TTLL5: variants seen among roughly 807,000 people sequenced by gnomAD.
TTLL5 encodes tubulin tyrosine ligase like 5, also known as tubulin polyglutamylase TTLL5.
Under a neutral mutation model 168.4 loss-of-function variants are expected in TTLL5, and 132 were observed. That is an observed-to-expected ratio of 0.78 (90% CI 0.68 to 0.91). The LOEUF (loss-of-function observed/expected upper bound fraction) is 0.91, where lower values mean the gene tolerates loss of function less well. Ranked by LOEUF, TTLL5 falls within the 40% of genes least tolerant of loss-of-function variation. The pLI is 0.00. For missense variants in TTLL5, 1,545 were observed against 1,581.5 expected (o/e 0.98, Z 0.39); for synonymous variants, 546 against 558.6 (o/e 0.98, Z 0.32).
intron 27 of TTLL5, among the ~76,000 whole-genome samples, chr14:75,805,705 C>T (rs907442879): frequency 5.9e-5 from 9 of 152,188 alleles, no homozygotes; most frequent in African/African-American, 1.9e-4. Flanking sequence ...TCAGAAAAGT[C>T]TTAAACATAT....
At chr14:75,913,596 CAAAT>C (rs1249323127) in intron 31 of TTLL5, among the ~76,000 whole-genome samples, 1 of 151,974 alleles carries the variant, frequency 6.6e-6, no homozygotes, top group Non-Finnish European at 1.5e-5. Flanking sequence ...AATAAGGTGA[CAAAT>C]AAATAACCAA....
At chr14:75,709,289 T>G (rs370843524) in intron 9 of TTLL5, 89 of 731,680 alleles carry the variant, frequency 1.2e-4, no homozygotes, top group Non-Finnish European at 2.2e-4. Context: ...TTTAGAATGG[T>G]CTTTTAATGA....
chr14:75,929,252 A>G (rs2034192350), intron 31 of TTLL5, among the ~76,000 whole-genome samples: 1 of 152,170 alleles, frequency 6.6e-6, no homozygotes, highest in Non-Finnish European at 1.5e-5. Context: ...CAGCTTTGCT[A>G]CCATTTGTGT....
rs1310237783 is a variant in TTLL5, at chr14:75,670,097, C to T, written c.181+575C>T. Among the ~76,000 whole-genome samples, 3 of 152,158 alleles carry T rather than the reference C, an allele frequency of 2.0e-5. No homozygotes were observed. The East Asian group carries it at 5.8e-4, about 29-fold the overall frequency. On this transcript the variant is annotated intron_variant, in intron 3 of 31. Coordinates refer to ENST00000298832, the MANE Select transcript of TTLL5 (RefSeq NM_015072.5). The stretch of plus-strand genomic sequence containing the variant: ...TGGAGTATATATCAGTCCTTTATTC[C>T]TTTTTATAGCTGAATAACATTCCAT...
rs79189841 is a variant in TTLL5, at chr14:75,806,324, C to T, written c.3171+13224C>T. Among the ~76,000 whole-genome samples, 814 of 152,304 alleles carry T rather than the reference C, an allele frequency of 5.3e-3. 20 individuals carry two copies. The South Asian group carries it at 0.082, about 15-fold the overall frequency. ...GGGAATTCAGGTGTGAGCCACTGTG[C>T]CCGGCCATAATGGATCCTTTCCTAA... is the stretch of plus-strand genomic sequence containing the variant. On this transcript the variant is annotated intron_variant, in intron 27 of 31. Coordinates refer to ENST00000298832, the MANE Select transcript of TTLL5 (RefSeq NM_015072.5).
chr14:75,796,172 C>G (rs112222281), intron 27 of TTLL5, among the ~76,000 whole-genome samples: 3 of 152,140 alleles, frequency 2.0e-5, no homozygotes, highest in Non-Finnish European at 4.4e-5. Context: ...TTGCATTTCC[C>G]TGATAATAAG....
chr14:75,894,879 T>G (rs1193999742), intron 30 of TTLL5, among the ~76,000 whole-genome samples: 1 of 152,182 alleles, frequency 6.6e-6, no homozygotes, highest in African/African-American at 2.4e-5. Flanking sequence ...GAAAAGCACT[T>G]GTATGCACTT....
rs187707550 is a variant in TTLL5, at chr14:75,875,331, C to T, written c.3523-7354C>T. Among the ~76,000 whole-genome samples the T allele has an allele frequency of 1.8e-3, 266 of 149,530 alleles. 3 individuals are homozygous for T. The highest frequency in any genetic ancestry group is 6.1e-3 in the African/African-American group (252 of 41,024). On this transcript the variant is annotated intron_variant, in intron 29 of 31. Transcript: ENST00000298832. ...GGCTGAGGCAGACAGATCACGAGGT[C>T]AGGAGTTCGACACCATCCTGGCCAA...
chr14:75,813,264 GTGTGTT>G (rs1467697720), intron 27 of TTLL5, among the ~76,000 whole-genome samples: 3 of 97,176 alleles, frequency 3.1e-5, no homozygotes, highest in Non-Finnish European at 6.3e-5. Context: ...GGCACTGTGT[GTGTGTT>G]TGTGTGTGTG....
rs10680423 is a variant in TTLL5 at position 75,888,935 on chromosome 14, GA to G, written c.3740+6045del. Among the ~76,000 whole-genome samples, 8 of 145,604 alleles carry G rather than the reference GA, an allele frequency of 5.5e-5. 1 individual carries two copies. The highest frequency in any genetic ancestry group is 2.0e-4 in the East Asian group (1 of 5,012). ...TGGGCAACAGAGAGAGACTGTCTCC[GA>G]AAAAAAAAAAAGAAGGCTTCATGGA... On this transcript the variant is annotated intron_variant, in intron 30 of 31. Coordinates refer to ENST00000298832, the MANE Select transcript of TTLL5 (RefSeq NM_015072.5).
At chr14:75,845,345 G>T (rs570652275) in intron 28 of TTLL5, among the ~76,000 whole-genome samples, 1 of 152,154 alleles carries the variant, frequency 6.6e-6, no homozygotes, top group Admixed American at 6.5e-5. Context: ...GAGACATACC[G>T]AAGGACTCCC....
intron 28 of TTLL5, among the ~76,000 whole-genome samples, chr14:75,835,730 G>A (rs909700141): frequency 5.3e-5 from 8 of 152,110 alleles, no homozygotes; most frequent in African/African-American, 1.2e-4. Flanking sequence ...TTAAAAATAG[G>A]CAGAAGACCT....
In TTLL5 at chr14:75,916,842, A is replaced by G. The variant is rs575253471; in HGVS notation, c.3823+14618A>G. Among the ~76,000 whole-genome samples the G allele has an allele frequency of 8.4e-4, 128 of 152,338 alleles. No individual in the cohort carries two copies. The Middle Eastern group carries it at 0.02, about 24-fold the overall frequency. ...ATGTGGTCTATGTATTCAGTGAAAT[A>G]CTATTCAGCCTTCAAAATAAAGGAA... On this transcript the variant is annotated intron_variant, in intron 31 of 31. Transcript: ENST00000298832.
intron 9 of TTLL5, among the ~76,000 whole-genome samples, chr14:75,716,735 C>G (rs1017837961): frequency 6.6e-6 from 1 of 152,060 alleles, no homozygotes; most frequent in Non-Finnish European, 1.5e-5. Context: ...TTTGTTGATA[C>G]TGAGCATCCT....
intron 18 of TTLL5, chr14:75,757,714 G>C (rs1890367496): frequency 5.0e-6 from 4 of 800,618 alleles, no homozygotes; most frequent in African/African-American, 1.7e-5. Context: ...GCCCTCCTTG[G>C]CCTAATGTCA....
intron 28 of TTLL5, among the ~76,000 whole-genome samples, chr14:75,859,383 G>A (rs1391908059): frequency 6.6e-6 from 1 of 152,204 alleles, no homozygotes; most frequent in Non-Finnish European, 1.5e-5. Flanking sequence ...AAATGGATAG[G>A]CTATTAAGAG....
At chr14:75,808,709 C>G (rs887789909) in intron 27 of TTLL5, among the ~76,000 whole-genome samples, 2 of 152,112 alleles carry the variant, frequency 1.3e-5, no homozygotes, top group African/African-American at 4.8e-5. Context: ...AGATCCTGTT[C>G]CAGATCATTC....
intron 15 of TTLL5, among the ~76,000 whole-genome samples, chr14:75,742,685 C>T (rs1889347986): frequency 6.6e-6 from 1 of 152,088 alleles, no homozygotes; most frequent in African/African-American, 2.4e-5. Context: ...TGTGAGCCAC[C>T]ACACCAGGCT....
At chr14:75,821,506 T>A (rs1777242125) in intron 28 of TTLL5, among the ~76,000 whole-genome samples, 1 of 152,240 alleles carries the variant, frequency 6.6e-6, no homozygotes, top group African/African-American at 2.4e-5. Flanking sequence ...TTGGATATAA[T>A]GTCTGTATGA....
Sources: allele counts gnomAD v4.1 joint callset (sites outside exome capture counted in the v4.1 genomes callset), GRCh38; gene constraint gnomAD v4.1.1; transcripts MANE v1.5; gene names NCBI Gene and HGNC (gene_info 2026-07-23, HGNC 2026-07-21).